The following C1QTNF3 variants were observed in gnomAD, a reference collection of about 807,000 sequenced individuals.
The protein encoded by C1QTNF3 is complement C1q tumor necrosis factor-related protein 3.
In C1QTNF3, 26 loss-of-function variants were observed where a neutral mutation model predicts 32.6. That is an observed-to-expected ratio of 0.80 (90% CI 0.58 to 1.11). The LOEUF (loss-of-function observed/expected upper bound fraction) is 1.11. C1QTNF3 is among the 50% of genes least tolerant of loss of function. The pLI is 0.00. For synonymous variants in C1QTNF3, 155 were observed against 146.0 expected (o/e 1.06, Z -0.44); for missense variants, 362 against 398.2 (o/e 0.91, Z 0.77).
the C1QTNF3 span, among the ~76,000 whole-genome samples, chr5:34,063,290 TCTCTCTC>T: frequency 1.2e-5 from 1 of 84,832 alleles, no homozygotes; most frequent in East Asian, 2.4e-4. Flanking sequence ...CTCTCTTCCC[TCTCTCTC>T]CTCTCTCTCT....
intron 1 of C1QTNF3, among the ~76,000 whole-genome samples, chr5:34,036,163 A>G (rs181379445): frequency 6.4e-4 from 97 of 152,310 alleles, no homozygotes; most frequent in African/African-American, 2.3e-3. Context: ...ATGGTCCTCA[A>G]ATTACAAGAA....
chr5:34,043,950 A>G (rs954589379), upstream of C1QTNF3: 4 of 152,226 alleles, frequency 2.6e-5, no homozygotes, highest in Non-Finnish European at 5.9e-5. Flanking sequence ...ATTAAAATAG[A>G]AACGGGGCCG....
At chr5:34,217,001 ATT>A in the C1QTNF3 span, among the ~76,000 whole-genome samples, 31 of 152,242 alleles carry the variant, frequency 2.0e-4, no homozygotes, top group African/African-American at 7.0e-4. Context: ...CAGAAAAATT[ATT>A]GTTTTTATTA....
At chr5:34,065,596 G>C in the C1QTNF3 span, among the ~76,000 whole-genome samples, 1 of 152,144 alleles carries the variant, frequency 6.6e-6, no homozygotes. Context: ...GAAACCAGGA[G>C]GCAGAGGTTG....
the C1QTNF3 span, among the ~76,000 whole-genome samples, chr5:34,082,765 G>A: frequency 1.3e-5 from 2 of 151,690 alleles, no homozygotes; most frequent in African/African-American, 2.4e-5. Context: ...GTTCAAAGTA[G>A]ATGTAAACGT....
At chr5:34,147,241 G>A in the C1QTNF3 span, among the ~76,000 whole-genome samples, 1 of 152,232 alleles carries the variant, frequency 6.6e-6, no homozygotes, top group Non-Finnish European at 1.5e-5. Context: ...ACTGTGGAAA[G>A]TAGTTTGGAG....
chr5:34,082,628 T>C, the C1QTNF3 span, among the ~76,000 whole-genome samples: 34 of 151,732 alleles, frequency 2.2e-4, no homozygotes, highest in Non-Finnish European at 4.3e-4. Context: ...GTCAATAGAC[T>C]TCTGTTCAAG....
chr5:34,194,794 T>C, the C1QTNF3 span, among the ~76,000 whole-genome samples: 1 of 152,286 alleles, frequency 6.6e-6, no homozygotes, highest in Non-Finnish European at 1.5e-5. Context: ...AAGTCCCTGA[T>C]ATAAAATGAC....
chr5:34,021,389 T>C (rs1470799430), intron 5 of C1QTNF3, among the ~76,000 whole-genome samples: 1 of 152,240 alleles, frequency 6.6e-6, no homozygotes, highest in African/African-American at 2.4e-5. Flanking sequence ...GCCAAAGTAC[T>C]CTTTGCTGCT....
chr5:34,022,021 G>C (rs1159136574), intron 5 of C1QTNF3, among the ~76,000 whole-genome samples: 1 of 152,182 alleles, frequency 6.6e-6, no homozygotes, highest in Admixed American at 6.5e-5. Context: ...TGCCCAAATC[G>C]ATTGCTTTAG....
chr5:34,083,373 T>G, the C1QTNF3 span, among the ~76,000 whole-genome samples: 1 of 151,692 alleles, frequency 6.6e-6, no homozygotes, highest in Non-Finnish European at 1.5e-5. Flanking sequence ...ATGTAAATCT[T>G]CAAGTACAGT....
Position 34,028,814 on chromosome 5 carries a change from C to T in C1QTNF3, c.640G>A (p.Glu214Lys). Residue 214 changes from glutamate (E) to lysine (K), a missense_variant, in exon 4 of 6, where the codon GAG (glutamate) becomes AAG (lysine). Coordinates refer to ENST00000382065, the MANE Select transcript of C1QTNF3 (RefSeq NM_181435.6). ...QNSGIIFSSVETNIGNFFDVM... is the reference protein window; with the variant it reads ...QNSGIIFSSVKTNIGNFFDVM... ...TCAAAGAAGTTTCCAATGTTGGTCT[C>T]AACACTGCTGAAGATAATCCCACTG... is the stretch of plus-strand genomic sequence containing the variant. The T allele has an allele frequency of 6.2e-7, 1 of 1,613,202 alleles. No individual in the cohort carries two copies. The highest frequency in any genetic ancestry group is 8.5e-7 in the Non-Finnish European group (1 of 1,179,534).
At chr5:34,042,646 G>A (rs1459059395) in intron 1 of C1QTNF3, among the ~76,000 whole-genome samples, 177 bp downstream of exon 1, 2 of 152,096 alleles carry the variant, frequency 1.3e-5, no homozygotes, top group African/African-American at 2.4e-5. Context: ...AACAGAGACC[G>A]ACAGTCTCTC....
the C1QTNF3 span, among the ~76,000 whole-genome samples, chr5:34,126,805 G>A: frequency 6.6e-6 from 1 of 152,082 alleles, no homozygotes; most frequent in Admixed American, 6.5e-5. Context: ...GAATAAACCT[G>A]GAAGACCAAT....
chr5:34,053,674 C>G, the C1QTNF3 span, among the ~76,000 whole-genome samples: 4 of 152,186 alleles, frequency 2.6e-5, no homozygotes, highest in Admixed American at 2.0e-4. Context: ...AAAGCAGAGC[C>G]AGCTGCAGCC....
the C1QTNF3 span, among the ~76,000 whole-genome samples, chr5:34,145,669 G>T: frequency 8.2e-6 from 1 of 121,442 alleles, no homozygotes; most frequent in Non-Finnish European, 1.6e-5. Context: ...CAATCTGGCA[G>T]AGACACAGCA....
At chr5:34,221,087 A>G in the C1QTNF3 span, among the ~76,000 whole-genome samples, 17 of 152,124 alleles carry the variant, frequency 1.1e-4, no homozygotes, top group Admixed American at 1.1e-3. Flanking sequence ...ATCTGTGTCC[A>G]TAGCAAAATG....
At chr5:34,160,234 G>A in the C1QTNF3 span, among the ~76,000 whole-genome samples, 1 of 152,086 alleles carries the variant, frequency 6.6e-6, no homozygotes, top group African/African-American at 2.4e-5. Flanking sequence ...TTAGTAGGTA[G>A]GCGAAGGACA....
the C1QTNF3 span, among the ~76,000 whole-genome samples, chr5:34,147,423 T>C: frequency 1.3e-5 from 2 of 152,122 alleles, no homozygotes; most frequent in African/African-American, 4.8e-5. Flanking sequence ...TGCTCATTAG[T>C]GGTGGTGGAT....
Sources: gnomAD v4.1 joint callset for allele counts (sites outside exome capture counted in the v4.1 genomes callset) on GRCh38, gnomAD v4.1.1 for gene constraint, MANE v1.5 for transcripts, NCBI Gene and HGNC (gene_info 2026-07-23, HGNC 2026-07-21) for gene names.